UTP25: variants seen among roughly 807,000 people sequenced by gnomAD.
The protein encoded by UTP25 is U3 small nucleolar RNA-associated protein 25 homolog.
Under a neutral mutation model 78.9 loss-of-function variants are expected in UTP25, and 50 were observed. The observed-to-expected ratio is 0.63, with a 90% confidence interval of 0.50 to 0.80. The LOEUF (loss-of-function observed/expected upper bound fraction) is 0.80, where lower values mean the gene tolerates loss of function less well. UTP25 is among the 30% of genes least tolerant of loss of function. UTP25 has a pLI of 0.00. For missense variants in UTP25, 846 were observed against 911.3 expected (o/e 0.93, Z 0.92); for synonymous variants, 329 against 336.5 (o/e 0.98, Z 0.24).
chr1:209,849,642 T>C (rs1287483575), intron 11 of UTP25, among the ~76,000 whole-genome samples: 1 of 152,182 alleles, frequency 6.6e-6, no homozygotes, highest in Non-Finnish European at 1.5e-5. Flanking sequence ...CCCTCGGGTC[T>C]TCTGCTTTCT....
At chr1:209,847,878 A>G (rs1267690742) in intron 11 of UTP25, among the ~76,000 whole-genome samples, 2 of 152,226 alleles carry the variant, frequency 1.3e-5, no homozygotes, top group Non-Finnish European at 2.9e-5. Flanking sequence ...ATCTGTCTCA[A>G]AATGTCAGCA....
chr1:209,830,511 A>AG (rs1300948155), intron 2 of UTP25, among the ~76,000 whole-genome samples: 1 of 151,756 alleles, frequency 6.6e-6, no homozygotes, highest in African/African-American at 2.4e-5. Flanking sequence ...AAAAAAAAAA[A>AG]AAAAGAAACC....
At position 209,830,090 on chromosome 1, in the gene UTP25, T is replaced by C. The variant is rs1403247006; in HGVS notation, c.108-18T>C. The C allele has an allele frequency of 6.2e-7, 1 of 1,611,284 alleles. No individual in the cohort carries two copies. The highest frequency in any genetic ancestry group is 2.2e-5 in the East Asian group (1 of 44,832). Reference sequence around the variant, plus strand: ...ACATACTAGTAGTTAGAATGTAACATTGCCTGTTTCTTTTTAGGGTTTCCA... The same window carrying C: ...ACATACTAGTAGTTAGAATGTAACACTGCCTGTTTCTTTTTAGGGTTTCCA... On this transcript the variant is annotated intron_variant, in intron 1 of 11. Transcript: ENST00000491415.
chr1:209,834,204 G>A (rs543495246), intron 4 of UTP25, among the ~76,000 whole-genome samples: 1 of 152,266 alleles, frequency 6.6e-6, no homozygotes, highest in African/African-American at 2.4e-5. Context: ...TGGTTGTTTT[G>A]CTCATACAGA....
In UTP25 at chr1:209,836,995, C is replaced by T. The variant is rs2078136786; in HGVS notation, c.846C>T (p.Leu282=). 22 of 1,614,126 alleles carry T rather than the reference C, an allele frequency of 1.4e-5. No individual in the cohort carries two copies. The highest frequency in any genetic ancestry group is 1.9e-5 in the Non-Finnish European group (22 of 1,180,022). The change falls in exon 6 of 12, where the codon CTC becomes CTT. Residue 282 remains leucine, a synonymous_variant. Coordinates refer to ENST00000491415, the MANE Select transcript of UTP25 (RefSeq NM_014388.7). ...SSPFTPLQKE[L]FLIMNSYRDL... ...CATTCACCCCCCTCCAGAAAGAACT[C>T]TTCTTAATTATGAATTCTTACCGGG...
intron 1 of UTP25, among the ~76,000 whole-genome samples, chr1:209,829,245 C>T (rs1398960177): frequency 6.6e-6 from 1 of 152,186 alleles, no homozygotes; most frequent in Non-Finnish European, 1.5e-5. Context: ...TGAAAATCCG[C>T]TCTTCTAGCC....
At chr1:209,839,457 G>A (rs1434151789) in intron 7 of UTP25, among the ~76,000 whole-genome samples, 2 of 152,338 alleles carry the variant, frequency 1.3e-5, no homozygotes, top group South Asian at 2.1e-4. Flanking sequence ...GGTTCTCTAG[G>A]ATGTTGGAAG....
In UTP25 at chr1:209,851,318, G is replaced by A. The variant is rs370014909; in HGVS notation, c.2142G>A (p.Thr714=). 3.0e-5 allele frequency: 48 copies of A among 1,614,094 alleles called. No homozygotes were observed. The highest frequency in any genetic ancestry group is 3.6e-5 in the Non-Finnish European group (43 of 1,180,042). ...CCACCAACAGAGGAGAAGAGGCCAC[G>A]TGGACCTGCACTGTTCTCTACTCCA... ...LRATNRGEEA[T]WTCTVLYSKY... Residue 714 remains threonine, a synonymous_variant, in exon 12 of 12, where the codon ACG becomes ACA. Transcript: ENST00000491415.
intron 11 of UTP25, among the ~76,000 whole-genome samples, chr1:209,847,359 G>A (rs1399386919): frequency 6.6e-6 from 1 of 152,016 alleles, no homozygotes; most frequent in East Asian, 1.9e-4. Context: ...TATCACATTT[G>A]CACATACCCA....
intron 10 of UTP25, 123 bp downstream of exon 10, chr1:209,842,818 GA>G: frequency 1.5e-6 from 1 of 686,620 alleles, no homozygotes. Flanking sequence ...TGAGATAATT[GA>G]ACTTAATTAT....
intron 9 of UTP25, 55 bp from the exon 10 acceptor site, chr1:209,842,528 T>G (rs1363192613): frequency 5.6e-6 from 9 of 1,611,186 alleles, no homozygotes; most frequent in Non-Finnish European, 6.8e-6. Context: ...AGGCGATAGC[T>G]TCTGGTCAAG....
At chr1:209,835,221 G>A in intron 5 of UTP25, 58 bp downstream of exon 5, 1 of 1,511,188 alleles carries the variant, frequency 6.6e-7, no homozygotes, top group East Asian at 2.3e-5. Flanking sequence ...TAAAACAGTG[G>A]TCTTGGGTTT....
rs532032986 is a variant in UTP25 at position 209,847,474 on chromosome 1, A to G, written c.2028-3730A>G. 3.3e-5 allele frequency among the ~76,000 whole-genome samples: 5 copies of G among 152,310 alleles called. No individual in the cohort carries two copies. In the South Asian group the frequency reaches 1.0e-3, roughly 32 times the overall value. ...ACACTTCACCCCTAAATATTTTAGC[A>G]TGTAGCTCCTAAAAACAAAAACATT... On this transcript the variant is annotated intron_variant, in intron 11 of 11. Coordinates refer to ENST00000491415, the MANE Select transcript of UTP25 (RefSeq NM_014388.7).
chr1:209,851,399 G>T lies in UTP25; in HGVS notation c.2223G>T (p.Met741Ile). The change falls in exon 12 of 12, where the codon ATG becomes ATT. Residue 741 changes from methionine to isoleucine, a missense_variant. Met to Ile is a conservative substitution (Grantham distance 10). Transcript: ENST00000491415. ...AVVGVERAAQ[M>I]LQSNKNVHLF... Reference sequence around the variant, plus strand: ...TTGGTGTGGAGCGGGCGGCACAGATGCTACAGTCCAACAAGAATGTCCACC... The same window carrying T: ...TTGGTGTGGAGCGGGCGGCACAGATTCTACAGTCCAACAAGAATGTCCACC... The T allele has an allele frequency of 5.6e-6, 9 of 1,613,078 alleles. No homozygotes were observed. The highest frequency in any genetic ancestry group is 7.6e-6 in the Non-Finnish European group (9 of 1,179,778).
Position 209,851,254 on chromosome 1 carries a change from ATCCACACTTTT to A in UTP25, c.2079_2089del (p.Tyr693Ter). 6.2e-7 allele frequency: 1 copy of A among 1,614,202 alleles called. No homozygotes were observed. On this transcript the variant is annotated stop_gained and frameshift_variant, in exon 12 of 12. Coordinates refer to ENST00000491415, the MANE Select transcript of UTP25 (RefSeq NM_014388.7). LOFTEE classifies it high-confidence loss of function. ...CTGATTTTCTATGAACTGCCGACAT[ATCCACACTTTT>A]ACAGTGAAATCTGTAATATGCTGAG...
At position 209,842,259 on chromosome 1, in the gene UTP25, T is replaced by C. The variant is rs1157547229; in HGVS notation, c.1486-6T>C. ...ACACTAATGGTAATATTATTTCCAC[T>C]CAAAGCATTTGATGAATCACATGAA... On this transcript the variant is annotated splice_polypyrimidine_tract_variant and splice_region_variant and intron_variant, in intron 8 of 11. Coordinates refer to ENST00000491415, the MANE Select transcript of UTP25 (RefSeq NM_014388.7). The C allele has an allele frequency of 6.2e-7, 1 of 1,613,038 alleles. No individual in the cohort carries two copies. Among genetic ancestry groups the C allele is most frequent in the East Asian group, 2.2e-5 (1 of 44,884 alleles).
rs751475636 is a variant in UTP25, at chr1:209,830,110, T to C, written c.110T>C (p.Val37Ala). The change falls in exon 2 of 12, where the codon GTT (valine) becomes GCT (alanine). Residue 37 changes from valine (V) to alanine (A), a missense_variant and splice_region_variant. Val to Ala is a moderately conservative substitution (Grantham distance 64, BLOSUM62 0). Transcript: ENST00000491415. ...TAACATTGCCTGTTTCTTTTTAGGG[T>C]TTCCAGAAAGGAAGCAAAGCCACAG... ...FGEEHPFYDR[V>A]SRKEAKPQIC... is the part of the protein sequence containing the mutation. 1.2e-5 allele frequency: 20 copies of C among 1,611,914 alleles called. No homozygotes were observed. Among genetic ancestry groups the C allele is most frequent in the Admixed American group, 1.0e-4 (6 of 59,852 alleles).
At chr1:209,848,834 A>C (rs7516902) in intron 11 of UTP25, among the ~76,000 whole-genome samples, 1 of 152,132 alleles carries the variant, frequency 6.6e-6, no homozygotes. Flanking sequence ...TAGAGGCTGA[A>C]GTAAATAATA....
At chr1:209,849,552 T>C (rs2078219425) in intron 11 of UTP25, among the ~76,000 whole-genome samples, 2 of 152,212 alleles carry the variant, frequency 1.3e-5, no homozygotes, top group South Asian at 4.2e-4. Flanking sequence ...CCCCGTGTGC[T>C]TCACGTTTTT....
Sources: allele counts gnomAD v4.1 joint callset (sites outside exome capture counted in the v4.1 genomes callset), GRCh38; gene constraint gnomAD v4.1.1; transcripts MANE v1.5; gene names NCBI Gene and HGNC (gene_info 2026-07-23, HGNC 2026-07-21).